Variants in CTNND2 observed in about 807,000 individuals in gnomAD.
The protein encoded by CTNND2 is catenin delta-2.
A neutral mutation model predicts 144.4 loss-of-function variants in CTNND2; 22 were observed. The observed-to-expected ratio is 0.15, with a 90% CI of 0.11 to 0.22. The LOEUF (loss-of-function observed/expected upper bound fraction) is 0.22. CTNND2 is among the 10% of genes least tolerant of loss of function. CTNND2 has a pLI of 1.00. For missense variants in CTNND2, 1,353 were observed against 1,618.8 expected (o/e 0.84, Z 2.82); for synonymous variants, 751 against 695.6 (o/e 1.08, Z -1.25).
At chr5:11,055,684 C>A (rs1746282880) in intron 16 of CTNND2, among the ~76,000 whole-genome samples, 1 of 152,174 alleles carries the variant, frequency 6.6e-6, no homozygotes, top group Non-Finnish European at 1.5e-5. Flanking sequence ...GAGTCTGGAG[C>A]TGGGTGTGCT....
chr5:11,361,728 T>C (rs1305046815), intron 8 of CTNND2, among the ~76,000 whole-genome samples: 1 of 152,204 alleles, frequency 6.6e-6, no homozygotes, highest in East Asian at 1.9e-4. Flanking sequence ...TTTCTATCTT[T>C]CCTCCAGCCC....
chr5:11,647,966 G>A (rs73743006), intron 2 of CTNND2, among the ~76,000 whole-genome samples: 1 of 152,118 alleles, frequency 6.6e-6, no homozygotes, highest in Non-Finnish European at 1.5e-5. Flanking sequence ...AAAGGAGCAG[G>A]CTTGCTTGGC....
chr5:11,185,025 C>A (rs1198201384), intron 11 of CTNND2, among the ~76,000 whole-genome samples: 2 of 152,194 alleles, frequency 1.3e-5, no homozygotes, highest in Admixed American at 6.5e-5. Flanking sequence ...CCCCTGCATG[C>A]ACACGGATGA....
At chr5:11,572,322 C>T (rs959704565) in intron 2 of CTNND2, among the ~76,000 whole-genome samples, 12 of 152,152 alleles carry the variant, frequency 7.9e-5, no homozygotes, top group Non-Finnish European at 1.5e-5. Flanking sequence ...TCTGAAGTCC[C>T]ATACTTCAGG....
intron 3 of CTNND2, among the ~76,000 whole-genome samples, chr5:11,551,391 T>C (rs1279159620): frequency 6.6e-6 from 1 of 151,540 alleles, no homozygotes; most frequent in East Asian, 1.9e-4. Context: ...AGCAGCAACA[T>C]ATTTTATCAT....
At chr5:11,467,043 G>T (rs61757532) in intron 3 of CTNND2, among the ~76,000 whole-genome samples, 527 of 152,330 alleles carry the variant, frequency 3.5e-3, no homozygotes, top group African/African-American at 0.012. Flanking sequence ...AGGCTCAAAG[G>T]TGGTATTGCT....
intron 9 of CTNND2, among the ~76,000 whole-genome samples, chr5:11,273,986 T>C (rs955606906): frequency 1.3e-5 from 2 of 152,168 alleles, no homozygotes; most frequent in African/African-American, 4.8e-5. Flanking sequence ...GGACGGGTAT[T>C]TATGCCTTCG....
At chr5:11,086,179 G>T (rs1440650243) in intron 15 of CTNND2, among the ~76,000 whole-genome samples, 1 of 152,140 alleles carries the variant, frequency 6.6e-6, no homozygotes, top group Non-Finnish European at 1.5e-5. Flanking sequence ...AGCAGACGGT[G>T]CCTCTCTGGA....
intron 16 of CTNND2, among the ~76,000 whole-genome samples, chr5:11,056,966 T>A (rs1182864383): frequency 6.6e-6 from 1 of 152,230 alleles, no homozygotes; most frequent in African/African-American, 2.4e-5. Context: ...GATTTCACAC[T>A]GAGTACCTTT....
At chr5:11,354,948 GGAAA>G (rs1484745977) in intron 8 of CTNND2, among the ~76,000 whole-genome samples, 3 of 151,958 alleles carry the variant, frequency 2.0e-5, no homozygotes, top group Non-Finnish European at 2.9e-5. Flanking sequence ...GAAAAACTTT[GGAAA>G]CTTTACAAAT....
intron 11 of CTNND2, among the ~76,000 whole-genome samples, chr5:11,163,382 G>A (rs747819700): frequency 1.3e-5 from 2 of 152,156 alleles, no homozygotes; most frequent in Non-Finnish European, 2.9e-5. Context: ...CCAAGCCTTC[G>A]AATGACTGCA....
chr5:11,683,990 A>G (rs569185740), intron 2 of CTNND2, among the ~76,000 whole-genome samples: 1 of 152,394 alleles, frequency 6.6e-6, no homozygotes, highest in East Asian at 1.9e-4. Flanking sequence ...ATTCCAGGGA[A>G]GAGAATAAAA....
intron 1 of CTNND2, among the ~76,000 whole-genome samples, chr5:11,870,449 A>G (rs1440480114): frequency 6.6e-6 from 1 of 152,228 alleles, no homozygotes; most frequent in East Asian, 1.9e-4. Context: ...AGGTACACTC[A>G]TGAGCGAGCT....
At chr5:11,497,226 C>T (rs1770038841) in intron 3 of CTNND2, among the ~76,000 whole-genome samples, 1 of 145,600 alleles carries the variant, frequency 6.9e-6, no homozygotes, top group Non-Finnish European at 1.5e-5. Flanking sequence ...CATGTGACTA[C>T]TTTTTTTTTT....
chr5:11,287,446 T>C (rs1747867945), intron 9 of CTNND2, among the ~76,000 whole-genome samples: 1 of 152,186 alleles, frequency 6.6e-6, no homozygotes, highest in Non-Finnish European at 1.5e-5. Flanking sequence ...TTAAAATAAA[T>C]CTCTCTCTTT....
intron 1 of CTNND2, among the ~76,000 whole-genome samples, chr5:11,759,397 G>T (rs1789130146): frequency 6.6e-6 from 1 of 151,902 alleles, no homozygotes; most frequent in African/African-American, 2.4e-5. Context: ...CATGTCCAAG[G>T]ATCTTAAGGA....
intron 16 of CTNND2, among the ~76,000 whole-genome samples, chr5:11,052,677 T>TC (rs1363930056): frequency 6.6e-6 from 1 of 152,074 alleles, no homozygotes; most frequent in Non-Finnish European, 1.5e-5. Flanking sequence ...TTGAGTGCTG[T>TC]CCCCCTTACC....
chr5:11,462,287 G>A (rs934311461), intron 3 of CTNND2, among the ~76,000 whole-genome samples: 9 of 152,094 alleles, frequency 5.9e-5, no homozygotes, highest in African/African-American at 1.4e-4. Context: ...CGATGACCTC[G>A]TGGGCATAGG....
intron 12 of CTNND2, among the ~76,000 whole-genome samples, chr5:11,125,758 G>GAAATGTAGA (rs1754611203): frequency 2.6e-5 from 4 of 152,166 alleles, no homozygotes; most frequent in Admixed American, 6.5e-5. Flanking sequence ...AAAATATTAA[G>GAAATGTAGA]ACAGCGGGGG....
Sources: gnomAD v4.1 joint callset for allele counts (sites outside exome capture counted in the v4.1 genomes callset) on GRCh38, gnomAD v4.1.1 for gene constraint, MANE v1.5 for transcripts, NCBI Gene and HGNC (gene_info 2026-07-23, HGNC 2026-07-21) for gene names.